The following SCUBE2 variants were observed in gnomAD, a reference collection of about 807,000 sequenced individuals.
SCUBE2 encodes signal peptide, CUB and EGF-like domain-containing protein 2.
Under a neutral mutation model 125.9 loss-of-function variants are expected in SCUBE2, and 114 were observed. The observed-to-expected ratio is 0.91, with a 90% confidence interval of 0.78 to 1.06. The LOEUF (loss-of-function observed/expected upper bound fraction) is 1.06. Ranked by LOEUF, SCUBE2 falls within the 50% of genes least tolerant of loss-of-function variation. The pLI is 0.00. For missense variants in SCUBE2, 1,255 were observed against 1,301.8 expected (o/e 0.96, Z 0.55); for synonymous variants, 459 against 492.9 (o/e 0.93, Z 0.91).
rs1274928961 is a variant in SCUBE2 at position 9,027,366 on chromosome 11, G to A, written c.2699C>T (p.Thr900Ile). ...GGGAGGGAGGGAGTGAGACGCACAG[G>A]TTTTCCGCATCACCAGATAGTCCCC... ...DCGDYLVMRK[T>I]SSSNSVTTYE... The change falls in exon 20 of 23, where the codon ACC becomes ATC. Residue 900 changes from threonine to isoleucine, a missense_variant and splice_region_variant. Physicochemically the swap from Thr to Ile is moderately conservative, Grantham distance 89. Transcript: ENST00000649792. 6.2e-7 allele frequency: 1 copy of A among 1,613,932 alleles called. No individual in the cohort carries two copies.
chr11:9,087,297 G>T (rs569152690), intron 2 of SCUBE2, among the ~76,000 whole-genome samples: 1 of 152,280 alleles, frequency 6.6e-6, no homozygotes, highest in South Asian at 2.1e-4. Flanking sequence ...AAAGTCAGTG[G>T]AATGGTTTTG....
chr11:9,059,369 C>A lies in SCUBE2; in HGVS notation c.1024G>T (p.Val342Leu), dbSNP rs147079601. ...GGCDHFCKNI[V>L]GSFDCGCKKG... ...TTGCAGCCGCAGTCAAAACTGCCCA[C>A]GATGTTTTTGCAGAAATGATCACAA... The change falls in exon 9 of 23, where the codon GTG becomes TTG. Residue 342 changes from valine to leucine, a missense_variant. Val to Leu is a conservative substitution (Grantham distance 32). Around this residue, in one of 3 missense-constraint regions of SCUBE2, gnomAD observed 378 missense variants for 463.1 expected, o/e 0.82. Transcript: ENST00000649792. The A allele has an allele frequency of 1.9e-6, 3 of 1,614,058 alleles. No homozygotes were observed. The highest frequency in any genetic ancestry group is 2.5e-6 in the Non-Finnish European group (3 of 1,180,038).
At chr11:9,075,143 G>T (rs1019073041) in intron 3 of SCUBE2, among the ~76,000 whole-genome samples, 4 of 150,710 alleles carry the variant, frequency 2.7e-5, no homozygotes, top group African/African-American at 7.3e-5. Context: ...GGAGGTGGAG[G>T]TTGCAGCGAG....
In SCUBE2 at chr11:9,020,944, G is replaced by T. The variant is rs754234478; in HGVS notation, c.*101C>A. 8.8e-6 allele frequency: 9 copies of T among 1,024,140 alleles called. No individual in the cohort carries two copies. The highest frequency in any genetic ancestry group is 9.7e-6 in the Non-Finnish European group (7 of 722,194). The allele number at this position is 1,024,140 out of a possible 1,614,324, so 63.4% of individuals were successfully genotyped here. Reference sequence around the variant, plus strand: ...TGAACTCTAATGAGTCACTGATACGGGAGGCAGCAATACCCGACTGTGCTG... The same window carrying T: ...TGAACTCTAATGAGTCACTGATACGTGAGGCAGCAATACCCGACTGTGCTG... On this transcript the variant is annotated 3_prime_UTR_variant, in exon 23 of 23. Coordinates refer to ENST00000649792, the MANE Select transcript of SCUBE2 (RefSeq NM_001367977.2).
At chr11:9,037,438 C>T (rs1856835988) in intron 16 of SCUBE2, among the ~76,000 whole-genome samples, 1 of 152,238 alleles carries the variant, frequency 6.6e-6, no homozygotes, top group Non-Finnish European at 1.5e-5. Context: ...CGCCTCTTTT[C>T]AGCACTGTGG....
chr11:9,028,626 T>C (rs1209594249), intron 19 of SCUBE2, among the ~76,000 whole-genome samples: 1 of 152,220 alleles, frequency 6.6e-6, no homozygotes, highest in African/African-American at 2.4e-5. Context: ...GGGATTACTT[T>C]TTCCCTCTCT....
intron 13 of SCUBE2, among the ~76,000 whole-genome samples, chr11:9,051,182 TTATCTATC>T (rs60575374): frequency 0.028 from 4,050 of 142,548 alleles, 113 homozygotes; most frequent in African/African-American, 0.074. Context: ...AAACAAAAAA[TTATCTATC>T]TATCTATCTA....
At chr11:9,079,205 G>C (rs1179649301) in intron 3 of SCUBE2, among the ~76,000 whole-genome samples, 179 bp downstream of exon 3, 2 of 152,182 alleles carry the variant, frequency 1.3e-5, no homozygotes, top group East Asian at 3.8e-4. Flanking sequence ...TTTATGTTAT[G>C]AATGATCACA....
At chr11:9,066,026 G>T in intron 6 of SCUBE2, 46 bp from the exon 7 acceptor site, 1 of 1,330,810 alleles carries the variant, frequency 7.5e-7, no homozygotes, top group Non-Finnish European at 1.1e-6. Flanking sequence ...GAATGAGTTA[G>T]ATTGCTCATC....
chr11:9,048,338 A>G (rs1193590721), intron 14 of SCUBE2, among the ~76,000 whole-genome samples: 1 of 152,210 alleles, frequency 6.6e-6, no homozygotes, highest in Non-Finnish European at 1.5e-5. Flanking sequence ...TTCATGAATA[A>G]ATGGGAGATG....
intron 22 of SCUBE2, 105 bp downstream of exon 22, chr11:9,021,771 C>T: frequency 1.2e-6 from 1 of 831,576 alleles, no homozygotes; most frequent in Non-Finnish European, 2.1e-6. Flanking sequence ...AGGACAGGCT[C>T]CGTGTCTGAA....
intron 10 of SCUBE2, 49 bp downstream of exon 10, chr11:9,055,725 GGTAGGCCCTGCTCCCCTCC>G (rs1564824207): frequency 8.1e-7 from 1 of 1,227,348 alleles, no homozygotes; most frequent in Non-Finnish European, 1.2e-6. Context: ...AAACCTCAGG[GGTAGGCCCTGCTCCCCTCC>G]AGGCCCAGCC....
Position 9,053,646 on chromosome 11 carries a change from C to CT in SCUBE2, c.1320dup (p.Asp441ArgfsTer23), listed in dbSNP as rs756033005. ...CCTCGGTTCCCCTTACCCACACAGT[C>CT]TTTTTTATTCCAGTGGAGCTTGTAC... is the stretch of plus-strand genomic sequence containing the variant. On this transcript the variant is annotated frameshift_variant, in exon 11 of 23. Coordinates refer to ENST00000649792, the MANE Select transcript of SCUBE2 (RefSeq NM_001367977.2). LOFTEE classifies it high-confidence loss of function. The CT allele has an allele frequency of 1.2e-6, 2 of 1,614,016 alleles. No homozygotes were observed. Among genetic ancestry groups the CT allele is most frequent in the East Asian group, 2.2e-5 (1 of 44,882 alleles).
Position 9,025,760 on chromosome 11 carries a change from G to C in SCUBE2, c.2796C>G (p.Phe932Leu). 6.2e-7 allele frequency: 1 copy of C among 1,614,200 alleles called. No homozygotes were observed. Among genetic ancestry groups the C allele is most frequent in the Non-Finnish European group, 8.5e-7 (1 of 1,180,034 alleles). ...TSRSKKLWIQ[F>L]KSNEGNSARG... The stretch of plus-strand genomic sequence containing the variant: ...TAGCGCTGTTCCCTTCATTGGACTT[G>C]AACTGAATCCACAGCTTCTTTGACC... Residue 932 changes from phenylalanine to leucine, a missense_variant, in exon 21 of 23, where the codon TTC becomes TTG. Physicochemically the swap from Phe to Leu is conservative, Grantham distance 22 (BLOSUM62 0). Around this residue, in one of 3 missense-constraint regions of SCUBE2, gnomAD observed 515 missense variants for 515.7 expected, o/e 1.00. Coordinates refer to ENST00000649792, the MANE Select transcript of SCUBE2 (RefSeq NM_001367977.2).
chr11:9,091,573 T>C lies in SCUBE2; in HGVS notation c.-45A>G. 7.1e-6 allele frequency: 3 copies of C among 422,192 alleles called. No homozygotes were observed. The highest frequency in any genetic ancestry group is 1.1e-5 in the Non-Finnish European group (3 of 276,366). 26.2% of individuals were successfully genotyped at this position (422,192 alleles called of 1,614,324 possible). A position where few individuals can be genotyped will look rare whatever the true frequency, so the allele number is the denominator to read the frequency against. On this transcript the variant is annotated 5_prime_UTR_variant, in exon 1 of 23. Coordinates refer to ENST00000649792, the MANE Select transcript of SCUBE2 (RefSeq NM_001367977.2). The surrounding 1 kb of genome is among the most constrained non-coding windows in gnomAD (Gnocchi z 8.5). The stretch of plus-strand genomic sequence containing the variant: ...GGCAGAGGCGGCGGAGTGCGGGCGG[T>C]GGCGGCGGCGGCGCGGGGAGGTGTG...
At position 9,025,850 on chromosome 11, in the gene SCUBE2, T is replaced by C; in HGVS notation, c.2706A>G (p.Ser902=). Residue 902 remains serine, a synonymous_variant, in exon 21 of 23, where the codon TCA becomes TCG. Transcript: ENST00000649792. ...TTTCATATGTTGTCACAGAATTGGA[T>C]GAAGCTGCCAAGGGAAGTTGGAGAA... ...GDYLVMRKTS[S]SNSVTTYETC... is the part of the protein sequence containing the mutation. 6.2e-7 allele frequency: 1 copy of C among 1,613,822 alleles called. No individual in the cohort carries two copies. The highest frequency in any genetic ancestry group is 1.1e-5 in the South Asian group (1 of 90,992).
intron 21 of SCUBE2, among the ~76,000 whole-genome samples, chr11:9,023,776 TCAA>T (rs767649676): frequency 3.9e-5 from 6 of 152,318 alleles, no homozygotes; most frequent in Middle Eastern, 6.8e-3. Context: ...CAGGAAATAA[TCAA>T]GTCTACTTTA....
chr11:9,079,662 G>A (rs1257026778), intron 2 of SCUBE2, among the ~76,000 whole-genome samples, 153 bp from the exon 3 acceptor site: 1 of 152,152 alleles, frequency 6.6e-6, no homozygotes, highest in Non-Finnish European at 1.5e-5. Flanking sequence ...ATTCACTGCA[G>A]TGTTGTTTCT....
At chr11:9,036,100 G>A (rs1361065313) in intron 16 of SCUBE2, among the ~76,000 whole-genome samples, 1 of 152,162 alleles carries the variant, frequency 6.6e-6, no homozygotes, top group African/African-American at 2.4e-5. Flanking sequence ...ATGCCAGCCT[G>A]GCTGGTCTCG....
Sources: gnomAD v4.1 joint callset for allele counts (sites outside exome capture counted in the v4.1 genomes callset) on GRCh38, gnomAD v4.1.1 for gene constraint, gnomAD v4.1.1 regional missense constraint, Gnocchi (gnomAD v3.1) non-coding constraint, MANE v1.5 for transcripts, NCBI Gene and HGNC (gene_info 2026-07-23, HGNC 2026-07-21) for gene names.